The following FXR2 variants were observed in gnomAD, a reference collection of about 807,000 sequenced individuals.
The protein encoded by FXR2 is RNA-binding protein FXR2.
FXR2 carries 9 observed loss-of-function variants against 87.3 expected under a neutral mutation model. That is an observed-to-expected ratio of 0.10 (90% CI 0.06 to 0.18). The LOEUF (loss-of-function observed/expected upper bound fraction) is 0.18. Among genes scored for constraint, FXR2 ranks in the 10% least tolerant of loss-of-function variants. FXR2 has a pLI of 1.00. For missense variants in FXR2, 661 were observed against 893.6 expected, an observed-to-expected ratio of 0.74 and a Z score of 3.32; for synonymous variants, 331 against 328.3, an observed-to-expected ratio of 1.01 and a Z score of -0.09.
At chr17:7,605,931 C>T in intron 2 of FXR2, 166 bp downstream of exon 2, 1 of 648,296 alleles carries the variant, frequency 1.5e-6, no homozygotes, top group Non-Finnish European at 2.7e-6. Flanking sequence ...ATGCCCCCAC[C>T]CTCACCAAAT....
At chr17:7,604,865 G>A (rs1450330550) in intron 3 of FXR2, among the ~76,000 whole-genome samples, 2 of 151,374 alleles carry the variant, frequency 1.3e-5, no homozygotes, top group East Asian at 4.1e-4. Context: ...GGGATTATAG[G>A]CGCCCGCCAC....
rs1373105543 is a variant in FXR2, at chr17:7,605,709, C to T, written c.164G>A (p.Gly55Glu). 1 of 1,594,836 alleles carries T rather than the reference C, an allele frequency of 6.3e-7. No homozygotes were observed. Among genetic ancestry groups the T allele is most frequent in the Admixed American group, 1.7e-5 (1 of 59,620 alleles). The stretch of plus-strand genomic sequence containing the variant: ...AGCTGGAGGTGGTAGCCGGACATCC[C>T]CAAAAGGAATTTGTCTCTCACTCTG... The part of the protein sequence containing the change: ...NWQSERQIPF[G>E]DVRLPPPADY... The change falls in exon 3 of 17, where the codon GGG becomes GAG. Residue 55 changes from glycine to glutamate, a missense_variant. Gly to Glu is a moderately conservative substitution (Grantham distance 98). Around this residue, in one of 3 missense-constraint regions of FXR2, gnomAD observed 170 missense variants for 247.2 expected, o/e 0.69. Coordinates refer to ENST00000250113, the MANE Select transcript of FXR2 (RefSeq NM_004860.4).
At chr17:7,600,982 C>T (rs1430408327) in intron 7 of FXR2, among the ~76,000 whole-genome samples, 2 of 151,774 alleles carry the variant, frequency 1.3e-5, no homozygotes, top group Non-Finnish European at 2.9e-5. Context: ...GAGTTCGAGG[C>T]CAGCTTGGGC....
Position 7,592,634 on chromosome 17 carries a change from A to G in FXR2, c.1730-35T>C. 1 of 1,612,564 alleles carries G rather than the reference A, an allele frequency of 6.2e-7. No individual in the cohort carries two copies. The highest frequency in any genetic ancestry group is 8.5e-7 in the Non-Finnish European group (1 of 1,178,780). On this transcript the variant is annotated intron_variant, in intron 14 of 16. Coordinates refer to ENST00000250113, the MANE Select transcript of FXR2 (RefSeq NM_004860.4). The surrounding 1 kb of genome is among the most constrained non-coding windows in gnomAD (Gnocchi z 4.8). ...AGGAAAAAACCAGAGTCACACATCC[A>G]ACCTCCCACCCTCGATTCCTACCCA...
rs921724270 is a variant in FXR2 at position 7,614,147 on chromosome 17, A to G, written c.81+305T>C. On this transcript the variant is annotated intron_variant, in intron 1 of 16. Coordinates refer to ENST00000250113, the MANE Select transcript of FXR2 (RefSeq NM_004860.4). ...CACCAGACAACGGACACAGTCAATT[A>G]GAAGCTGGGTAAAGGGGTCTCTCCT... 11 of 609,296 alleles carry G rather than the reference A, an allele frequency of 1.8e-5. No individual in the cohort carries two copies. In the East Asian group the frequency reaches 3.8e-4, roughly 21 times the overall value. 37.7% of individuals were successfully genotyped at this position (609,296 alleles called of 1,614,324 possible).
chr17:7,599,553 G>C (rs576958512), intron 7 of FXR2, among the ~76,000 whole-genome samples: 1 of 152,076 alleles, frequency 6.6e-6, no homozygotes, highest in Non-Finnish European at 1.5e-5. Flanking sequence ...ACAATTATAC[G>C]ATGTCAGAAT....
chr17:7,614,138 C>G (rs2071908894), intron 1 of FXR2: 4 of 597,008 alleles, frequency 6.7e-6, no homozygotes, highest in Non-Finnish European at 1.3e-5. Flanking sequence ...ACAACGGACA[C>G]AGTCAATTAG....
chr17:7,604,537 C>T (rs1456419855), intron 3 of FXR2, among the ~76,000 whole-genome samples: 3 of 151,284 alleles, frequency 2.0e-5, no homozygotes, highest in Admixed American at 1.3e-4. Context: ...ACTAAAAATA[C>T]AAAAATTAGC....
chr17:7,591,958 C>A lies in FXR2; in HGVS notation c.1927-33G>T. The A allele has an allele frequency of 7.3e-7, 1 of 1,377,130 alleles. No homozygotes were observed. 85.3% of individuals were successfully genotyped at this position (1,377,130 alleles called of 1,614,324 possible). A position where few individuals can be genotyped will look rare whatever the true frequency, so the allele number is the denominator to read the frequency against. Reference sequence around the variant, plus strand: ...GAAAGTGGGAAAGAAAACAGAAAAGCAAGAAGCGGTGAGTAGAAATTCAGG... The same window carrying A: ...GAAAGTGGGAAAGAAAACAGAAAAGAAAGAAGCGGTGAGTAGAAATTCAGG... On this transcript the variant is annotated intron_variant, in intron 16 of 16. Coordinates refer to ENST00000250113, the MANE Select transcript of FXR2 (RefSeq NM_004860.4). This position sits in a 1 kb window ranked among gnomAD's most constrained non-coding sequence, Gnocchi z 4.0.
intron 1 of FXR2, among the ~76,000 whole-genome samples, chr17:7,607,825 C>T (rs896399982): frequency 7.9e-5 from 12 of 151,870 alleles, no homozygotes; most frequent in African/African-American, 2.9e-4. Context: ...GACAGAGTTT[C>T]GCTCTTGTTG....
At chr17:7,613,002 A>G (rs1404457591) in intron 1 of FXR2, among the ~76,000 whole-genome samples, 2 of 150,280 alleles carry the variant, frequency 1.3e-5, no homozygotes, top group Non-Finnish European at 3.0e-5. Context: ...ATCTCAAAAA[A>G]AAAAAAAAAA....
chr17:7,598,762 A>G (rs992173169), intron 7 of FXR2, among the ~76,000 whole-genome samples: 2 of 152,214 alleles, frequency 1.3e-5, no homozygotes, highest in African/African-American at 4.8e-5. Flanking sequence ...TAATCCCAGC[A>G]CTTTGGGAGG....
In FXR2 at chr17:7,593,433, G is replaced by A. The variant is rs1195077289; in HGVS notation, c.1300C>T (p.Arg434Cys). The part of the protein sequence containing the change: ...TYGGSYGGRG[R>C]GRRTGGPAYG... ...GCAGGACCGCCTGTCCTCCGGCCAC[G>A]GCCACGGCCCCCATAGCTGCCCCCA... is the stretch of plus-strand genomic sequence containing the variant. Residue 434 changes from arginine to cysteine, a missense_variant, in exon 12 of 17, where the codon CGT (arginine) becomes TGT (cysteine). Around this residue, in one of 3 missense-constraint regions of FXR2, gnomAD observed 409 missense variants for 432.0 expected, o/e 0.95. Coordinates refer to ENST00000250113, the MANE Select transcript of FXR2 (RefSeq NM_004860.4). This position sits in a 1 kb window ranked among gnomAD's most constrained non-coding sequence, Gnocchi z 6.1. 1.9e-6 allele frequency: 3 copies of A among 1,582,980 alleles called. No individual in the cohort carries two copies. The highest frequency in any genetic ancestry group is 2.3e-5 in the East Asian group (1 of 43,358).
chr17:7,593,818 C>A lies in FXR2; in HGVS notation c.1107+100G>T. ...ATTTCCACAGATGTTTTCTGTTCTA[C>A]ACGGAGAGACAAACAGAGAACCAAA... On this transcript the variant is annotated intron_variant, in intron 11 of 16. Coordinates refer to ENST00000250113, the MANE Select transcript of FXR2 (RefSeq NM_004860.4). This position sits in a 1 kb window ranked among gnomAD's most constrained non-coding sequence, Gnocchi z 6.1. The A allele has an allele frequency of 1.1e-6, 1 of 888,222 alleles. No homozygotes were observed. The highest frequency in any genetic ancestry group is 1.9e-6 in the Non-Finnish European group (1 of 539,786). 55.0% of individuals were successfully genotyped at this position (888,222 alleles called of 1,614,324 possible). A position where few individuals can be genotyped will look rare whatever the true frequency, so the allele number is the denominator to read the frequency against.
intron 1 of FXR2, among the ~76,000 whole-genome samples, chr17:7,609,887 CAT>C (rs1052309510): frequency 6.8e-6 from 1 of 146,236 alleles, no homozygotes; most frequent in African/African-American, 2.5e-5. Context: ...TATACATATA[CAT>C]ATATATACAC....
chr17:7,601,278 C>T, intron 7 of FXR2, 131 bp downstream of exon 7: 1 of 617,552 alleles, frequency 1.6e-6, no homozygotes, highest in Non-Finnish European at 3.0e-6. Context: ...GATAAAATAG[C>T]TGACCCAGGT....
intron 6 of FXR2, among the ~76,000 whole-genome samples, chr17:7,602,329 G>C (rs927444787): frequency 2.0e-5 from 3 of 152,192 alleles, no homozygotes; most frequent in Admixed American, 6.5e-5. Flanking sequence ...ACTTTGGGAG[G>C]CCGAGGCGGG....
intron 6 of FXR2, among the ~76,000 whole-genome samples, chr17:7,602,217 T>TA (rs1218565388): frequency 6.6e-6 from 1 of 150,840 alleles, no homozygotes; most frequent in East Asian, 2.0e-4. Flanking sequence ...ACGTCAGGAG[T>TA]TCAAGACCAG....
At chr17:7,613,366 GAA>G (rs2071892670) in intron 1 of FXR2, among the ~76,000 whole-genome samples, 1 of 151,970 alleles carries the variant, frequency 6.6e-6, no homozygotes, top group African/African-American at 2.4e-5. Context: ...GTCACACAAA[GAA>G]AAACTCTTGG....
Sources: gnomAD v4.1 joint callset for allele counts (sites outside exome capture counted in the v4.1 genomes callset) on GRCh38, gnomAD v4.1.1 for gene constraint, gnomAD v4.1.1 regional missense constraint, Gnocchi (gnomAD v3.1) non-coding constraint, MANE v1.5 for transcripts, NCBI Gene and HGNC (gene_info 2026-07-23, HGNC 2026-07-21) for gene names.